The following CLASP2 variants were observed in gnomAD, a reference collection of about 807,000 sequenced individuals.
The protein encoded by CLASP2 is CLIP-associating protein 2.
A neutral mutation model predicts 194.4 loss-of-function variants in CLASP2; 47 were observed. The observed-to-expected ratio is 0.24, with a 90% CI of 0.19 to 0.31. The LOEUF (loss-of-function observed/expected upper bound fraction) is 0.31. Among genes scored for constraint, CLASP2 ranks in the 10% least tolerant of loss-of-function variants. The probability of loss-of-function intolerance (pLI) is 1.00; values close to 1 mark genes in which losing one functional copy is unlikely to be tolerated. For missense variants in CLASP2, 1,445 were observed against 1,823.6 expected, an observed-to-expected ratio of 0.79 and a Z score of 3.78; for synonymous variants, 619 against 633.5, an observed-to-expected ratio of 0.98 and a Z score of 0.34.
chr3:33,674,933 T>G (rs1208465182), intron 6 of CLASP2, among the ~76,000 whole-genome samples: 1 of 152,074 alleles, frequency 6.6e-6, no homozygotes. Context: ...GCTGAAATTG[T>G]GGCAATAATC....
At chr3:33,618,781 G>A (rs768029934) in intron 12 of CLASP2, among the ~76,000 whole-genome samples, 1 of 152,182 alleles carries the variant, frequency 6.6e-6, no homozygotes, top group African/African-American at 2.4e-5. Context: ...ACATTAAATT[G>A]CTAAAGTGAT....
intron 33 of CLASP2, among the ~76,000 whole-genome samples, chr3:33,536,436 T>C (rs959449213): frequency 2.2e-4 from 33 of 151,880 alleles, no homozygotes; most frequent in Non-Finnish European, 2.8e-4. Context: ...TATCTGGAGG[T>C]AGAGTGTTTC....
chr3:33,650,690 A>G (rs1411442578), intron 7 of CLASP2, among the ~76,000 whole-genome samples: 3 of 151,948 alleles, frequency 2.0e-5, no homozygotes, highest in Non-Finnish European at 4.4e-5. Context: ...ACAATGGAAG[A>G]GATGGAGGGG....
At chr3:33,617,106 C>T (rs992140681) in intron 12 of CLASP2, among the ~76,000 whole-genome samples, 28 of 144,956 alleles carry the variant, frequency 1.9e-4, no homozygotes, top group Non-Finnish European at 2.9e-4. Context: ...AAGCCTGAAA[C>T]GGGAAAAAAG....
At chr3:33,620,028 C>T (rs557713646) in intron 11 of CLASP2, among the ~76,000 whole-genome samples, 1 of 152,324 alleles carries the variant, frequency 6.6e-6, no homozygotes, top group South Asian at 2.1e-4. Flanking sequence ...TAACTGAGGA[C>T]ACATCAGGTG....
chr3:33,634,122 C>A (rs947005399), intron 8 of CLASP2, among the ~76,000 whole-genome samples: 2 of 152,066 alleles, frequency 1.3e-5, no homozygotes, highest in Admixed American at 6.6e-5. Context: ...TAGAAAGGAA[C>A]AACAATTTGA....
intron 25 of CLASP2, among the ~76,000 whole-genome samples, chr3:33,572,360 C>T (rs537750112): frequency 3.9e-5 from 6 of 152,222 alleles, no homozygotes. Flanking sequence ...GATACAGAAA[C>T]ATTTATTTTA....
intron 18 of CLASP2, among the ~76,000 whole-genome samples, chr3:33,597,460 G>A (rs925748809): frequency 2.0e-5 from 3 of 152,312 alleles, no homozygotes; most frequent in Middle Eastern, 3.4e-3. Flanking sequence ...TAATGATAAG[G>A]TTATTTTAAG....
chr3:33,677,926 T>G (rs1377076315), intron 6 of CLASP2, among the ~76,000 whole-genome samples: 2 of 91,324 alleles, frequency 2.2e-5, no homozygotes, highest in African/African-American at 8.5e-5. Context: ...TCTAACAAAG[T>G]ACCAAAAAAA....
chr3:33,651,969 T>C (rs2083295373), intron 7 of CLASP2, among the ~76,000 whole-genome samples: 1 of 152,136 alleles, frequency 6.6e-6, no homozygotes, highest in African/African-American at 2.4e-5. Flanking sequence ...TCCACTTCAC[T>C]TTTATGGGTA....
At chr3:33,660,077 A>G (rs1259142252) in intron 7 of CLASP2, among the ~76,000 whole-genome samples, 11 of 152,246 alleles carry the variant, frequency 7.2e-5, no homozygotes, top group Admixed American at 6.5e-4. Context: ...ATTAGGTCCT[A>G]AACACACACT....
chr3:33,662,571 C>T (rs188225919), intron 7 of CLASP2, among the ~76,000 whole-genome samples: 2 of 152,176 alleles, frequency 1.3e-5, no homozygotes, highest in African/African-American at 4.8e-5. Flanking sequence ...TCTGACTTCC[C>T]GCAACACATC....
chr3:33,616,015 GA>G (rs1242812725), intron 12 of CLASP2, among the ~76,000 whole-genome samples: 1 of 147,966 alleles, frequency 6.8e-6, no homozygotes, highest in Non-Finnish European at 1.5e-5. Context: ...CAAAAATCTA[GA>G]AAAATAAAAT....
intron 6 of CLASP2, among the ~76,000 whole-genome samples, chr3:33,665,628 T>C (rs2086052204): frequency 6.6e-6 from 1 of 152,192 alleles, no homozygotes; most frequent in Non-Finnish European, 1.5e-5. Flanking sequence ...TTTTGTTTGG[T>C]ATTTATTAAA....
intron 26 of CLASP2, among the ~76,000 whole-genome samples, chr3:33,569,830 G>A (rs2063414713): frequency 6.6e-6 from 1 of 151,922 alleles, no homozygotes; most frequent in South Asian, 2.1e-4. Context: ...TTTAGTTTAT[G>A]TACAATGTGG....
chr3:33,541,318 A>G (rs894711475), intron 32 of CLASP2, among the ~76,000 whole-genome samples: 3 of 151,700 alleles, frequency 2.0e-5, no homozygotes, highest in African/African-American at 4.8e-5. Context: ...GCCAGCCCCA[A>G]CTCCTTCTTA....
At chr3:33,527,950 G>C (rs1049929837) in intron 34 of CLASP2, among the ~76,000 whole-genome samples, 2 of 151,852 alleles carry the variant, frequency 1.3e-5, no homozygotes, top group Non-Finnish European at 2.9e-5. Flanking sequence ...GTGACAGAGC[G>C]AGACTGTCTC....
rs1156849727 is a variant in CLASP2 at position 33,688,369 on chromosome 3, C to T, written c.379-1G>A. ...CAGAAGCCAACTGCTCCCAAATGTA[C>T]TATTTGAAAGAAAAGTAAAAACGTA... On this transcript the variant is annotated splice_acceptor_variant, in intron 3 of 38. Coordinates refer to ENST00000682230, the MANE Select transcript of CLASP2 (RefSeq NM_001365631.1). LOFTEE classifies it high-confidence loss of function. The T allele has an allele frequency of 6.4e-7, 1 of 1,567,858 alleles. No homozygotes were observed.
intron 32 of CLASP2, 104 bp from the exon 33 acceptor site, chr3:33,539,046 G>T (rs2057876863): frequency 3.7e-6 from 3 of 801,856 alleles, no homozygotes; most frequent in Non-Finnish European, 5.4e-6. Context: ...ATTAGAGAAT[G>T]TATATTCTCA....
Sources: allele counts gnomAD v4.1 joint callset (sites outside exome capture counted in the v4.1 genomes callset), GRCh38; gene constraint gnomAD v4.1.1; transcripts MANE v1.5; gene names NCBI Gene and HGNC (gene_info 2026-07-23, HGNC 2026-07-21).